ASCC3: variants seen among roughly 807,000 people sequenced by gnomAD.
ASCC3 encodes ASC-1 complex subunit P200.
ASCC3 carries 158 observed loss-of-function variants against 256.3 expected under a neutral mutation model. The observed-to-expected ratio is 0.62, with a 90% CI of 0.54 to 0.70. ASCC3 has a LOEUF of 0.70. Among genes scored for constraint, ASCC3 ranks in the 30% least tolerant of loss-of-function variants. ASCC3 has a pLI of 0.00. For synonymous variants in ASCC3, 948 were observed against 883.4 expected, an observed-to-expected ratio of 1.07 and a Z score of -1.30; for missense variants, 2,259 against 2,626.0, an observed-to-expected ratio of 0.86 and a Z score of 3.05.
At chr6:100,638,844 C>G in intron 24 of ASCC3, 23 bp from the exon 25 acceptor site, 3 of 1,587,514 alleles carry the variant, frequency 1.9e-6, no homozygotes, top group Non-Finnish European at 2.6e-6. Flanking sequence ...AACAGGATGG[C>G]TATACGACAA....
At chr6:100,683,344 TCTTA>T (rs752230080) in intron 13 of ASCC3, among the ~76,000 whole-genome samples, 4 of 152,302 alleles carry the variant, frequency 2.6e-5, no homozygotes, top group Non-Finnish European at 4.4e-5. Context: ...ATTATTTCAG[TCTTA>T]CTTGTCAACT....
intron 36 of ASCC3, among the ~76,000 whole-genome samples, chr6:100,541,063 T>C (rs11155496): frequency 0.42 from 63,048 of 151,906 alleles, 13,639 homozygotes; most frequent in South Asian, 0.62. Context: ...TAAGTGCCAA[T>C]TGAACCTACA....
At chr6:100,612,042 A>G (rs1330973586) in intron 30 of ASCC3, among the ~76,000 whole-genome samples, 1 of 152,020 alleles carries the variant, frequency 6.6e-6, no homozygotes, top group Non-Finnish European at 1.5e-5. Flanking sequence ...ACGTAACAGA[A>G]AAACAGATCT....
chr6:100,735,671 A>C (rs571051915), intron 10 of ASCC3, among the ~76,000 whole-genome samples: 2 of 152,322 alleles, frequency 1.3e-5, no homozygotes, highest in East Asian at 3.9e-4. Context: ...TCCTAGAAAA[A>C]GGCACAGACA....
chr6:100,672,851 C>T (rs2114952308), intron 14 of ASCC3, among the ~76,000 whole-genome samples: 1 of 152,108 alleles, frequency 6.6e-6, no homozygotes, highest in Non-Finnish European at 1.5e-5. Flanking sequence ...TCACTATAAA[C>T]AGGTTGACAG....
At chr6:100,626,594 T>C (rs900515164) in intron 29 of ASCC3, among the ~76,000 whole-genome samples, 1 of 152,096 alleles carries the variant, frequency 6.6e-6, no homozygotes, top group African/African-American at 2.4e-5. Context: ...TATGCAGTCA[T>C]TCCATATAGA....
chr6:100,518,038 A>G lies in ASCC3; in HGVS notation c.5880T>C (p.Ser1960=), dbSNP rs781726805. ...VIQGRWLKDS[S]LLTLPNIENH... ...TTTCTATGTTTGGTAGTGTAAGAAG[A>G]GAAGAGTCCTTTAACCACCGACCCT... The change falls in exon 38 of 42, where the codon TCT becomes TCC. Residue 1960 remains serine (S), a synonymous_variant. Transcript: ENST00000369162. The G allele has an allele frequency of 2.5e-6, 4 of 1,613,648 alleles. No homozygotes were observed. Among genetic ancestry groups the G allele is most frequent in the Non-Finnish European group, 2.5e-6 (3 of 1,179,664 alleles).
intron 13 of ASCC3, among the ~76,000 whole-genome samples, chr6:100,712,023 T>C (rs563739488): frequency 2.0e-5 from 3 of 152,270 alleles, no homozygotes; most frequent in Admixed American, 6.5e-5. Context: ...GGAGTGAATA[T>C]AGTCTTTCAA....
intron 36 of ASCC3, among the ~76,000 whole-genome samples, chr6:100,582,397 T>C (rs75628333): frequency 6.6e-6 from 1 of 150,954 alleles, no homozygotes; most frequent in Non-Finnish European, 1.5e-5. Flanking sequence ...TGTCTGTTAT[T>C]GGTATATAAG....
intron 37 of ASCC3, among the ~76,000 whole-genome samples, chr6:100,524,235 C>A (rs533208077): frequency 6.6e-6 from 1 of 152,030 alleles, no homozygotes; most frequent in Admixed American, 6.6e-5. Context: ...TTACATCTGA[C>A]CTTGTTTCCC....
intron 4 of ASCC3, among the ~76,000 whole-genome samples, chr6:100,818,239 G>A (rs1302361375): frequency 2.0e-5 from 3 of 152,036 alleles, no homozygotes; most frequent in Non-Finnish European, 4.4e-5. Flanking sequence ...AGCTCTTGAA[G>A]GGATCTTCCA....
At chr6:100,835,241 T>C (rs1771818153) in intron 4 of ASCC3, among the ~76,000 whole-genome samples, 1 of 152,162 alleles carries the variant, frequency 6.6e-6, no homozygotes, top group African/African-American at 2.4e-5. Context: ...TTCATTCTGT[T>C]TATTGTTCCC....
intron 14 of ASCC3, among the ~76,000 whole-genome samples, chr6:100,670,695 T>C (rs1358038799): frequency 1.3e-5 from 2 of 151,416 alleles, no homozygotes; most frequent in East Asian, 2.0e-4. Flanking sequence ...CCCATGGACA[T>C]GGAGGGCCAT....
At chr6:100,583,948 G>C (rs557636501) in intron 36 of ASCC3, among the ~76,000 whole-genome samples, 1 of 152,326 alleles carries the variant, frequency 6.6e-6, no homozygotes, top group South Asian at 2.1e-4. Context: ...TGTGGTCTGA[G>C]AGATAGTTTG....
At position 100,589,772 on chromosome 6, in the gene ASCC3, T is replaced by C; in HGVS notation, c.5416-4A>G. On this transcript the variant is annotated splice_region_variant and splice_polypyrimidine_tract_variant and intron_variant, in intron 35 of 41. Coordinates refer to ENST00000369162, the MANE Select transcript of ASCC3 (RefSeq NM_006828.4). ...GAGGTTCAATGCTGCGATTATCCTA[T>C]TTCAAAAGAATAACAAATGAAGAGT... 3 of 1,613,634 alleles carry C rather than the reference T, an allele frequency of 1.9e-6. No individual in the cohort carries two copies. The highest frequency in any genetic ancestry group is 2.5e-6 in the Non-Finnish European group (3 of 1,179,772).
Position 100,798,753 on chromosome 6 carries a change from C to T in ASCC3, c.1355G>A (p.Ser452Asn), listed in dbSNP as rs1769758572. ...GATATAAACTGGCTTTTCCTCAAAG[C>T]TGAGTGGCATTGGTTCGCTGTAGGG... ...RIPYSEPMPLSFEEKPVYIQD... is the reference protein window; with the variant it reads ...RIPYSEPMPLNFEEKPVYIQD... Residue 452 changes from serine to asparagine, a missense_variant, in exon 8 of 42, where the codon AGC becomes AAC. Transcript: ENST00000369162. 4 of 1,613,080 alleles carry T rather than the reference C, an allele frequency of 2.5e-6. No homozygotes were observed. The East Asian group carries it at 8.9e-5, about 36-fold the overall frequency.
intron 4 of ASCC3, among the ~76,000 whole-genome samples, chr6:100,809,173 CAA>C (rs542175974): frequency 7.0e-6 from 1 of 143,154 alleles, no homozygotes; most frequent in Non-Finnish European, 1.5e-5. Flanking sequence ...TTTATTTTTT[CAA>C]AAAAAAAAAT....
intron 30 of ASCC3, 144 bp downstream of exon 30, chr6:100,625,048 C>A (rs1774156274): frequency 1.1e-6 from 1 of 950,086 alleles, no homozygotes; most frequent in Non-Finnish European, 1.6e-6. Flanking sequence ...GTAGAACAAA[C>A]TATAACAGAA....
chr6:100,579,566 G>A (rs1771084409), intron 36 of ASCC3, among the ~76,000 whole-genome samples: 1 of 151,956 alleles, frequency 6.6e-6, no homozygotes, highest in African/African-American at 2.4e-5. Context: ...ATAGGGCTCG[G>A]CAATTATCCC....
Sources: allele counts gnomAD v4.1 joint callset (sites outside exome capture counted in the v4.1 genomes callset), GRCh38; gene constraint gnomAD v4.1.1; transcripts MANE v1.5; gene names NCBI Gene and HGNC (gene_info 2026-07-23, HGNC 2026-07-21).